The following ARHGAP12 variants were observed in gnomAD, a reference collection of about 807,000 sequenced individuals.
ARHGAP12 encodes Rho GTPase activating protein 12.
A neutral mutation model predicts 108.6 loss-of-function variants in ARHGAP12; 64 were observed. That is an observed-to-expected ratio of 0.59 (90% confidence interval 0.48 to 0.73). The LOEUF is 0.73. Among genes scored for constraint, ARHGAP12 ranks in the 30% least tolerant of loss-of-function variants. The pLI is 0.00. For missense variants in ARHGAP12, 940 were observed against 1,005.9 expected, an observed-to-expected ratio of 0.93 and a Z score of 0.89; for synonymous variants, 312 against 337.2, an observed-to-expected ratio of 0.93 and a Z score of 0.82.
chr10:31,852,689 A>C (rs1427590223), intron 5 of ARHGAP12, 92 bp from the exon 6 acceptor site: 3 of 763,072 alleles, frequency 3.9e-6, no homozygotes, highest in Non-Finnish European at 4.3e-6. Context: ...ATTCTTATGA[A>C]TTTTATTCTA....
chr10:31,898,597 T>C (rs775427553), intron 3 of ARHGAP12, among the ~76,000 whole-genome samples: 5 of 152,354 alleles, frequency 3.3e-5, no homozygotes, highest in Non-Finnish European at 7.3e-5. Context: ...GTTTCAGTAA[T>C]GGTGGACCAC....
At chr10:31,813,449 G>C (rs1338108598) in intron 14 of ARHGAP12, among the ~76,000 whole-genome samples, 2 of 151,974 alleles carry the variant, frequency 1.3e-5, no homozygotes, top group African/African-American at 4.8e-5. Flanking sequence ...TATATTTCTT[G>C]AAAATAATTC....
chr10:31,881,386 T>C (rs903853867), intron 3 of ARHGAP12, among the ~76,000 whole-genome samples: 1 of 152,020 alleles, frequency 6.6e-6, no homozygotes, highest in Non-Finnish European at 1.5e-5. Flanking sequence ...AAAAAAAACA[T>C]AAAATATCAA....
chr10:31,864,733 G>T (rs1024474318), intron 3 of ARHGAP12, among the ~76,000 whole-genome samples: 1 of 152,194 alleles, frequency 6.6e-6, no homozygotes, highest in Admixed American at 6.5e-5. Context: ...ATGGACAGTT[G>T]TGTCCCTTTT....
In ARHGAP12 at chr10:31,851,498, T is replaced by G. The variant is rs1460843671; in HGVS notation, c.1170+1019A>C. On this transcript the variant is annotated intron_variant, in intron 6 of 19. Transcript: ENST00000344936. ...ATTGTTCCATGAGATTACAAAACTGTAAAAGCTGTCAGTTACAGTGGAGCT... is the reference window on the plus strand; with the variant it reads ...ATTGTTCCATGAGATTACAAAACTGGAAAAGCTGTCAGTTACAGTGGAGCT... Among the ~76,000 whole-genome samples the G allele has an allele frequency of 2.0e-5, 3 of 152,200 alleles. No individual in the cohort carries two copies. The East Asian group carries it at 5.8e-4, about 29-fold the overall frequency.
chr10:31,892,958 G>A (rs9416987), intron 3 of ARHGAP12, among the ~76,000 whole-genome samples: 27,330 of 151,974 alleles, frequency 0.18, 3,075 homozygotes, highest in East Asian at 0.39. Flanking sequence ...ACTGAAAACC[G>A]CTCAACTACA....
chr10:31,843,889 G>A (rs374936554), intron 6 of ARHGAP12, among the ~76,000 whole-genome samples: 6 of 151,994 alleles, frequency 3.9e-5, no homozygotes, highest in Non-Finnish European at 4.4e-5. Context: ...TCTCATTCAC[G>A]GAGTTGCTAT....
chr10:31,819,784 T>G (rs1835341396), intron 12 of ARHGAP12, among the ~76,000 whole-genome samples: 1 of 152,132 alleles, frequency 6.6e-6, no homozygotes, highest in African/African-American at 2.4e-5. Flanking sequence ...TGAATAGTCC[T>G]AAGTGAGATT....
intron 3 of ARHGAP12, among the ~76,000 whole-genome samples, chr10:31,866,906 AC>A (rs1429633352): frequency 6.6e-6 from 1 of 152,180 alleles, no homozygotes; most frequent in Non-Finnish European, 1.5e-5. Flanking sequence ...GGCGTGAGCC[AC>A]CGTGCCCAGT....
intron 3 of ARHGAP12, among the ~76,000 whole-genome samples, chr10:31,869,453 C>A (rs1038654924): frequency 6.6e-6 from 1 of 152,028 alleles, no homozygotes; most frequent in African/African-American, 2.4e-5. Context: ...AGGAGAATTG[C>A]GTGAACCTGG....
chr10:31,843,587 C>A lies in ARHGAP12; in HGVS notation c.1171-1G>T. On this transcript the variant is annotated splice_acceptor_variant, in intron 6 of 19. Transcript: ENST00000344936. LOFTEE classifies it high-confidence loss of function. Reference sequence around the variant, plus strand: ...TTTGCTGCTGGGATGAAGCATTATACTAAAACAAAACAAAGCAAAAAACAC... The same window carrying A: ...TTTGCTGCTGGGATGAAGCATTATAATAAAACAAAACAAAGCAAAAAACAC... 1 of 1,587,060 alleles carries A rather than the reference C, an allele frequency of 6.3e-7. No individual in the cohort carries two copies. Among genetic ancestry groups the A allele is most frequent in the Non-Finnish European group, 8.5e-7 (1 of 1,172,524 alleles).
chr10:31,862,662 C>G (rs1307793894), intron 3 of ARHGAP12, among the ~76,000 whole-genome samples: 1 of 150,998 alleles, frequency 6.6e-6, no homozygotes, highest in Non-Finnish European at 1.5e-5. Context: ...TATCAGCTTC[C>G]CTGACCTCTA....
In ARHGAP12 at chr10:31,867,306, T is replaced by C. The variant is rs1837365108; in HGVS notation, c.685-5648A>G. Among the ~76,000 whole-genome samples the C allele has an allele frequency of 2.0e-5, 3 of 152,150 alleles. No homozygotes were observed. In the South Asian group the frequency reaches 6.2e-4, roughly 31 times the overall value. ...GAGAAAAGAATAGACGAGGACTCCG[T>C]ATTTGTGAAATACTCTGATCTCTGG... On this transcript the variant is annotated intron_variant, in intron 3 of 19. Transcript: ENST00000344936.
intron 10 of ARHGAP12, among the ~76,000 whole-genome samples, chr10:31,829,732 C>A (rs1273994412): frequency 1.3e-5 from 2 of 152,176 alleles, no homozygotes; most frequent in Admixed American, 6.5e-5. Context: ...GCAACAAAGA[C>A]CAACGGCTTT....
intron 7 of ARHGAP12, 124 bp from the exon 8 acceptor site, chr10:31,839,835 T>C: frequency 1.6e-6 from 1 of 609,726 alleles, no homozygotes; most frequent in Non-Finnish European, 2.6e-6. Context: ...TTTCGTTCTA[T>C]ATTCAGCTCC....
At chr10:31,892,994 A>G (rs1378693925) in intron 3 of ARHGAP12, among the ~76,000 whole-genome samples, 2 of 152,190 alleles carry the variant, frequency 1.3e-5, no homozygotes, top group African/African-American at 2.4e-5. Context: ...CTGCTCCTGA[A>G]TGACTACTGG....
intron 13 of ARHGAP12, among the ~76,000 whole-genome samples, chr10:31,816,700 T>C (rs1835217732): frequency 6.6e-6 from 1 of 152,232 alleles, no homozygotes. Context: ...AAATTGACAT[T>C]AGGAAGTTTC....
At chr10:31,862,493 G>GA (rs1398440871) in intron 3 of ARHGAP12, among the ~76,000 whole-genome samples, 2 of 151,696 alleles carry the variant, frequency 1.3e-5, no homozygotes, top group Non-Finnish European at 2.9e-5. Flanking sequence ...AGTTGCTGAA[G>GA]AAAAAAAACA....
chr10:31,926,368 C>T (rs964624564), intron 1 of ARHGAP12, among the ~76,000 whole-genome samples: 2 of 151,698 alleles, frequency 1.3e-5, no homozygotes, highest in Admixed American at 6.6e-5. Context: ...GATAGTGGCC[C>T]AATAGGTTCC....
Sources: gnomAD v4.1 joint callset for allele counts (sites outside exome capture counted in the v4.1 genomes callset) on GRCh38, gnomAD v4.1.1 for gene constraint, MANE v1.5 for transcripts, NCBI Gene and HGNC (gene_info 2026-07-23, HGNC 2026-07-21) for gene names.